The following MACROD2 variants were observed in gnomAD, a reference collection of about 807,000 sequenced individuals.
MACROD2 encodes mono-ADP ribosylhydrolase 2.
A neutral mutation model predicts 70.4 loss-of-function variants in MACROD2; 36 were observed. The observed-to-expected ratio is 0.51, with a 90% CI of 0.39 to 0.68. The LOEUF (loss-of-function observed/expected upper bound fraction) is 0.68. Among genes scored for constraint, MACROD2 ranks in the 30% least tolerant of loss-of-function variants. MACROD2 has a pLI of 0.00. For missense variants in MACROD2, 496 were observed against 538.4 expected, an observed-to-expected ratio of 0.92 and a Z score of 0.78; for synonymous variants, 172 against 178.8, an observed-to-expected ratio of 0.96 and a Z score of 0.30.
chr20:15,774,710 A>G (rs533243375), intron 8 of MACROD2, among the ~76,000 whole-genome samples: 2 of 152,270 alleles, frequency 1.3e-5, no homozygotes, highest in African/African-American at 4.8e-5. Flanking sequence ...ACCCACTATG[A>G]AAGATCTGCT....
At position 15,438,514 on chromosome 20, in the gene MACROD2, T is replaced by A. The variant is rs540433875; in HGVS notation, c.571+7079T>A. 3.3e-5 allele frequency among the ~76,000 whole-genome samples: 5 copies of A among 152,322 alleles called. No homozygotes were observed. The South Asian group carries it at 6.2e-4, about 19-fold the overall frequency. On this transcript the variant is annotated intron_variant, in intron 7 of 17. Coordinates refer to ENST00000684519, the MANE Select transcript of MACROD2 (RefSeq NM_001351661.2). ...TGTCTGTTCATGTCCTTTGCCCACT[T>A]TATAATGGGGTTGTTTGTTTATCTC...
intron 4 of MACROD2, among the ~76,000 whole-genome samples, chr20:14,632,418 T>C (rs907332476): frequency 2.0e-5 from 3 of 152,180 alleles, no homozygotes; most frequent in African/African-American, 7.2e-5. Context: ...ATGGTAGATA[T>C]GGGAAATTGT....
chr20:14,501,938 TA>T (rs1325709396), intron 4 of MACROD2, among the ~76,000 whole-genome samples: 2 of 152,218 alleles, frequency 1.3e-5, no homozygotes, highest in African/African-American at 2.4e-5. Context: ...CATATCTTCC[TA>T]ATTACATAGT....
In MACROD2 at chr20:15,164,332, A is replaced by G. The variant is rs1023050970; in HGVS notation, c.419-65608A>G. On this transcript the variant is annotated intron_variant, in intron 5 of 17. Coordinates refer to ENST00000684519, the MANE Select transcript of MACROD2 (RefSeq NM_001351661.2). The stretch of plus-strand genomic sequence containing the variant: ...AGATGTGTGTACATTATTTTCTAAT[A>G]TGCCATTTTTTATAAGGGACTTCAG... 3.9e-5 allele frequency among the ~76,000 whole-genome samples: 6 copies of G among 152,162 alleles called. No individual in the cohort carries two copies. In the East Asian group the frequency reaches 5.8e-4, roughly 15 times the overall value.
chr20:15,011,232 G>T (rs2122933600), intron 5 of MACROD2, among the ~76,000 whole-genome samples: 1 of 152,200 alleles, frequency 6.6e-6, no homozygotes, highest in South Asian at 2.1e-4. Context: ...AGGGTCAGTA[G>T]TTTTGCCATT....
chr20:14,462,713 A>C (rs2084387103), intron 3 of MACROD2, among the ~76,000 whole-genome samples: 2 of 152,182 alleles, frequency 1.3e-5, no homozygotes. Context: ...ATTTTTGTAT[A>C]AGTTGTAAGG....
intron 8 of MACROD2, among the ~76,000 whole-genome samples, chr20:15,859,247 CAG>C (rs2064392665): frequency 6.6e-6 from 1 of 151,816 alleles, no homozygotes; most frequent in African/African-American, 2.4e-5. Context: ...TATACTTTCT[CAG>C]GGGTGGTAGA....
At chr20:15,230,536 G>A (rs2076951324) in intron 6 of MACROD2, among the ~76,000 whole-genome samples, 1 of 152,104 alleles carries the variant, frequency 6.6e-6, no homozygotes, top group South Asian at 2.1e-4. Flanking sequence ...TTATCTGCAG[G>A]AAATTACTCT....
chr20:14,907,259 C>T (rs1418627099), intron 5 of MACROD2, among the ~76,000 whole-genome samples: 1 of 152,240 alleles, frequency 6.6e-6, no homozygotes, highest in African/African-American at 2.4e-5. Context: ...GAGTGCAGGA[C>T]TGCCTCTGGG....
intron 6 of MACROD2, among the ~76,000 whole-genome samples, chr20:15,295,286 C>A (rs780619615): frequency 6.6e-6 from 1 of 152,112 alleles, no homozygotes; most frequent in African/African-American, 2.4e-5. Context: ...CTCCCAGTCT[C>A]GGGTATTTCT....
chr20:14,012,474 G>A (rs1020564418), intron 2 of MACROD2, among the ~76,000 whole-genome samples: 1 of 152,070 alleles, frequency 6.6e-6, no homozygotes, highest in Non-Finnish European at 1.5e-5. Flanking sequence ...CGGACCTGCG[G>A]GCATAGCTGT....
intron 5 of MACROD2, among the ~76,000 whole-genome samples, chr20:15,007,654 A>T (rs1267493321): frequency 6.6e-6 from 1 of 152,228 alleles, no homozygotes; most frequent in African/African-American, 2.4e-5. Flanking sequence ...GGGCAGGAGG[A>T]TGAGACTCTT....
intron 13 of MACROD2, among the ~76,000 whole-genome samples, chr20:15,968,777 T>G (rs1222395747): frequency 7.0e-6 from 1 of 142,142 alleles, no homozygotes; most frequent in East Asian, 2.0e-4. Context: ...ATTATAAACA[T>G]ATAATATTAT....
intron 6 of MACROD2, among the ~76,000 whole-genome samples, chr20:15,239,357 A>C (rs762022523): frequency 5.3e-5 from 8 of 152,068 alleles, no homozygotes; most frequent in African/African-American, 9.7e-5. Context: ...TGTACAATTC[A>C]ATGGAGTTGC....
intron 15 of MACROD2, among the ~76,000 whole-genome samples, chr20:16,022,169 G>C (rs531325346): frequency 6.7e-6 from 1 of 149,072 alleles, no homozygotes; most frequent in Admixed American, 6.8e-5. Flanking sequence ...TCCTGCCTCA[G>C]CCTCCTGCGT....
chr20:14,384,330 A>G (rs772965175), intron 3 of MACROD2, among the ~76,000 whole-genome samples: 6 of 152,178 alleles, frequency 3.9e-5, no homozygotes, highest in Non-Finnish European at 7.4e-5. Context: ...CGTGACTAAT[A>G]TTGGGAAAAA....
chr20:14,949,700 T>A (rs1210437614), intron 5 of MACROD2, among the ~76,000 whole-genome samples: 1 of 152,210 alleles, frequency 6.6e-6, no homozygotes, highest in East Asian at 1.9e-4. Flanking sequence ...TTCCATATGT[T>A]TGAGTGCCTG....
chr20:14,257,981 T>C (rs748133004), intron 3 of MACROD2, among the ~76,000 whole-genome samples: 2 of 152,162 alleles, frequency 1.3e-5, no homozygotes, highest in South Asian at 2.1e-4. Context: ...TGAGAACATA[T>C]AAGATTTGGT....
chr20:14,275,640 T>C (rs2082245846), intron 3 of MACROD2, among the ~76,000 whole-genome samples: 1 of 151,922 alleles, frequency 6.6e-6, no homozygotes, highest in Non-Finnish European at 1.5e-5. Context: ...TGGGATCTAA[T>C]TAAACTAAAG....
Sources: gnomAD v4.1 joint callset for allele counts (sites outside exome capture counted in the v4.1 genomes callset) on GRCh38, gnomAD v4.1.1 for gene constraint, MANE v1.5 for transcripts, NCBI Gene and HGNC (gene_info 2026-07-23, HGNC 2026-07-21) for gene names.